Variants in VWA3B observed in about 807,000 individuals in gnomAD.
The protein encoded by VWA3B is von Willebrand factor A domain containing 3B.
In VWA3B, 138 loss-of-function variants were observed where a neutral mutation model predicts 158.3. That is an observed-to-expected ratio of 0.87 (90% CI 0.76 to 1.00). The LOEUF is 1.00. Among genes scored for constraint, VWA3B ranks in the 50% least tolerant of loss-of-function variants. The probability of loss-of-function intolerance (pLI) is 0.00; values close to 1 mark genes in which losing one functional copy is unlikely to be tolerated. For synonymous variants in VWA3B, 596 were observed against 587.3 expected (o/e 1.01, Z -0.21); for missense variants, 1,555 against 1,565.1 (o/e 0.99, Z 0.11).
Position 98,290,522 on chromosome 2 carries a change from G to A in VWA3B, c.3057G>A (p.Leu1019=), listed in dbSNP as rs1689424289. 1 of 1,576,752 alleles carries A rather than the reference G, an allele frequency of 6.3e-7. No homozygotes were observed. The highest frequency in any genetic ancestry group is 2.1e-5 in the Admixed American group (1 of 48,162). Residue 1019 remains leucine, a synonymous_variant, in exon 23 of 28, where the codon TTG becomes TTA. Coordinates refer to ENST00000477737, the MANE Select transcript of VWA3B (RefSeq NM_144992.5). ...ANKAPGEQQK[L]QGNPTKKTKS... Reference sequence around the variant, plus strand: ...TTTGTCTTTTTCAGCAACAGAAATTGCAAGGAAATCCAACAAAGAAAACCA... The same window carrying A: ...TTTGTCTTTTTCAGCAACAGAAATTACAAGGAAATCCAACAAAGAAAACCA...
chr2:98,316,199 C>T (rs188254699), downstream of VWA3B, among the ~76,000 whole-genome samples: 1 of 152,272 alleles, frequency 6.6e-6, no homozygotes, highest in East Asian at 1.9e-4. Flanking sequence ...AGCATGTTTA[C>T]AGTAGGAGAG....
At chr2:98,258,475 A>G (rs1186067134) in intron 21 of VWA3B, among the ~76,000 whole-genome samples, 1 of 151,860 alleles carries the variant, frequency 6.6e-6, no homozygotes, top group Non-Finnish European at 1.5e-5. Flanking sequence ...ATTGTTTTCC[A>G]ATCAATGAAC....
At chr2:98,295,280 T>G (rs570597710) in intron 23 of VWA3B, among the ~76,000 whole-genome samples, 2 of 152,098 alleles carry the variant, frequency 1.3e-5, no homozygotes, top group African/African-American at 4.8e-5. Context: ...TATCGGAAGG[T>G]TCTTAGAGCC....
chr2:98,114,539 C>T (rs1447039706), intron 2 of VWA3B, among the ~76,000 whole-genome samples: 3 of 152,176 alleles, frequency 2.0e-5, no homozygotes, highest in Non-Finnish European at 4.4e-5. Context: ...CTTTTTAGCT[C>T]TCCAGAGGAG....
intron 3 of VWA3B, among the ~76,000 whole-genome samples, chr2:98,118,378 A>G (rs893096448): frequency 2.0e-5 from 3 of 152,186 alleles, no homozygotes; most frequent in Non-Finnish European, 2.9e-5. Context: ...CCAAGCCACA[A>G]AAATGTGGAA....
intron 21 of VWA3B, among the ~76,000 whole-genome samples, chr2:98,258,752 T>C (rs1267189777): frequency 2.0e-5 from 3 of 151,864 alleles, no homozygotes; most frequent in Admixed American, 6.6e-5. Context: ...GGGTTTTCTA[T>C]ATATAGAAAC....
intron 18 of VWA3B, 44 bp downstream of exon 18, chr2:98,236,521 T>A (rs1228344197): frequency 1.2e-6 from 2 of 1,613,818 alleles, no homozygotes; most frequent in Admixed American, 1.7e-5. Flanking sequence ...TATGCTTCTG[T>A]TGGTTAACCA....
At chr2:98,215,439 T>TA (rs1057093268) in intron 13 of VWA3B, among the ~76,000 whole-genome samples, 122 of 137,546 alleles carry the variant, frequency 8.9e-4, no homozygotes, top group East Asian at 1.1e-3. Context: ...AGACTCCATC[T>TA]AAAAAAAAAA....
intron 12 of VWA3B, among the ~76,000 whole-genome samples, chr2:98,198,920 A>C (rs553325994): frequency 6.6e-6 from 1 of 152,218 alleles, no homozygotes; most frequent in Non-Finnish European, 1.5e-5. Flanking sequence ...CCCCGTCTCT[A>C]CTAAAAATAC....
At chr2:98,104,549 A>G (rs903414941) in intron 2 of VWA3B, among the ~76,000 whole-genome samples, 1 of 152,200 alleles carries the variant, frequency 6.6e-6, no homozygotes, top group Non-Finnish European at 1.5e-5. Flanking sequence ...AACACTTCCC[A>G]TTAGGCTTCA....
At chr2:98,255,180 A>AT (rs1302034902) in intron 20 of VWA3B, among the ~76,000 whole-genome samples, 36 of 65,926 alleles carry the variant, frequency 5.5e-4, no homozygotes, top group East Asian at 9.9e-4. Flanking sequence ...CGCCCGGCTG[A>AT]TATTTTTTTT....
At chr2:98,127,965 G>T (rs1412879068) in intron 5 of VWA3B, among the ~76,000 whole-genome samples, 1 of 152,138 alleles carries the variant, frequency 6.6e-6, no homozygotes, top group African/African-American at 2.4e-5. Context: ...CGATATATTT[G>T]TGGCCCAGAG....
chr2:98,136,528 A>C (rs1352049352), intron 7 of VWA3B, among the ~76,000 whole-genome samples: 5 of 151,986 alleles, frequency 3.3e-5, no homozygotes, highest in African/African-American at 1.2e-4. Context: ...TCTGCTTCCA[A>C]GACGGTGCCT....
At chr2:98,089,543 C>A (rs1026952289) in intron 1 of VWA3B, among the ~76,000 whole-genome samples, 1 of 151,910 alleles carries the variant, frequency 6.6e-6, no homozygotes, top group Admixed American at 6.6e-5. Flanking sequence ...GGCTACGTCC[C>A]GGCTCGCAGC....
chr2:98,140,390 C>G (rs1048355449), intron 7 of VWA3B, among the ~76,000 whole-genome samples: 1 of 152,212 alleles, frequency 6.6e-6, no homozygotes, highest in African/African-American at 2.4e-5. Flanking sequence ...TTTAGTCTGG[C>G]AGATGCTGCT....
At chr2:98,137,572 C>A (rs1186062816) in intron 7 of VWA3B, among the ~76,000 whole-genome samples, 1 of 151,718 alleles carries the variant, frequency 6.6e-6, no homozygotes, top group Non-Finnish European at 1.5e-5. Context: ...AAATGTGTAC[C>A]TCTCTATATA....
At position 98,119,741 on chromosome 2, in the gene VWA3B, A is replaced by T. The variant is rs762487434; in HGVS notation, c.520A>T (p.Ile174Leu). The change falls in exon 4 of 28, where the codon ATA (isoleucine) becomes TTA (leucine). Residue 174 changes from isoleucine to leucine, a missense_variant. Ile to Leu is a conservative substitution (Grantham distance 5). Transcript: ENST00000477737. ...TMVLQEQVAH[I>L]TEFNIIRVSQ... ...GGTTCTCCAGGAGCAGGTGGCTCAC[A>T]TAACCGAGTTCAATATCATACGGTG... 7 of 1,614,138 alleles carry T rather than the reference A, an allele frequency of 4.3e-6. No homozygotes were observed. The highest frequency in any genetic ancestry group is 5.9e-6 in the Non-Finnish European group (7 of 1,180,010).
chr2:98,111,175 T>G (rs1045469782), intron 2 of VWA3B, among the ~76,000 whole-genome samples: 1 of 152,202 alleles, frequency 6.6e-6, no homozygotes, highest in African/African-American at 2.4e-5. Flanking sequence ...CACATGCCAC[T>G]TAAAAGTGAG....
In VWA3B at chr2:98,121,340, C is replaced by A. The variant is rs772789544; in HGVS notation, c.584C>A (p.Pro195His). The A allele has an allele frequency of 6.2e-7, 1 of 1,614,140 alleles. No individual in the cohort carries two copies. The highest frequency in any genetic ancestry group is 2.2e-5 in the East Asian group (1 of 44,886). The change falls in exon 5 of 28, where the codon CCT becomes CAT. Residue 195 changes from proline (P) to histidine (H), a missense_variant. Coordinates refer to ENST00000477737, the MANE Select transcript of VWA3B (RefSeq NM_144992.5). ...EPVKWQENAT[P>H]VTEQSIATAI... ...GTGAAGTGGCAGGAAAATGCTACTC[C>A]TGTGACCGAACAGTCCATAGCTACT...
Sources: allele counts gnomAD v4.1 joint callset (sites outside exome capture counted in the v4.1 genomes callset), GRCh38; gene constraint gnomAD v4.1.1; transcripts MANE v1.5; gene names NCBI Gene and HGNC (gene_info 2026-07-23, HGNC 2026-07-21).